Variants in GABRA2 observed in about 807,000 individuals in gnomAD.
GABRA2 encodes the protein gamma-aminobutyric acid receptor subunit alpha-2.
Under a neutral mutation model 48.7 loss-of-function variants are expected in GABRA2, and 16 were observed. That is an observed-to-expected ratio of 0.33 (90% CI 0.22 to 0.50). The LOEUF is 0.50. GABRA2 is among the 20% of genes least tolerant of loss of function. The pLI, the probability that GABRA2 is intolerant of heterozygous loss-of-function variation, is 0.98. For synonymous variants in GABRA2, 185 were observed against 184.5 expected (o/e 1.00, Z -0.02); for missense variants, 275 against 535.6 (o/e 0.51, Z 4.80).
chr4:46,305,542 C>CT, intron 7 of GABRA2, 26 bp downstream of exon 7: 1 of 1,604,620 alleles, frequency 6.2e-7, no homozygotes, highest in Non-Finnish European at 8.5e-7. Context: ...TAGGCACCAG[C>CT]TTTTTTAAAG....
intron 8 of GABRA2, among the ~76,000 whole-genome samples, chr4:46,297,631 A>G (rs1359971859): frequency 6.7e-6 from 1 of 149,480 alleles, no homozygotes. Flanking sequence ...TATTTTTTGA[A>G]TTTTCTCTCT....
intron 8 of GABRA2, among the ~76,000 whole-genome samples, chr4:46,295,778 T>A (rs1183938144): frequency 6.6e-6 from 1 of 152,196 alleles, no homozygotes; most frequent in African/African-American, 2.4e-5. Context: ...ACCTCTTCCA[T>A]CATGGAAAGG....
At position 46,282,726 on chromosome 4, in the gene GABRA2, C is replaced by T. The variant is rs533809971; in HGVS notation, c.857-20598G>A. Reference sequence around the variant, plus strand: ...ACTAAAGATCAGACCATCCTTTAAACGTGTTTTTGACATGAAGTAGAGAAT... The same window carrying T: ...ACTAAAGATCAGACCATCCTTTAAATGTGTTTTTGACATGAAGTAGAGAAT... On this transcript the variant is annotated intron_variant, in intron 8 of 9. Transcript: ENST00000381620. Among the ~76,000 whole-genome samples, 9 of 152,184 alleles carry T rather than the reference C, an allele frequency of 5.9e-5. No homozygotes were observed. The East Asian group carries it at 1.5e-3, about 26-fold the overall frequency.
intron 8 of GABRA2, among the ~76,000 whole-genome samples, chr4:46,298,975 T>TCATATATTATA (rs1379051605): frequency 6.6e-6 from 1 of 151,240 alleles, no homozygotes; most frequent in African/African-American, 2.4e-5. Context: ...TTTTAAAAGA[T>TCATATATTATA]CATATATTAT....
rs142608839 is a variant in GABRA2, at chr4:46,351,115, A to G, written c.188-18433T>C. On this transcript the variant is annotated intron_variant, in intron 3 of 9. Coordinates refer to ENST00000381620, the MANE Select transcript of GABRA2 (RefSeq NM_000807.4). ...TTATTACATGGTCTCATTGTTGGAGACTTAAAAAAAAAGGAAGACGGGGGG... is the reference window on the plus strand; with the variant it reads ...TTATTACATGGTCTCATTGTTGGAGGCTTAAAAAAAAAGGAAGACGGGGGG... Among the ~76,000 whole-genome samples the G allele has an allele frequency of 3.1e-3, 355 of 114,782 alleles. 4 individuals are homozygous for G. The highest frequency in any genetic ancestry group is 0.013 in the African/African-American group (348 of 26,282). 75.3% of individuals were successfully genotyped at this position (114,782 alleles called of 152,430 possible).
rs190066614 is a variant in GABRA2 at position 46,271,212 on chromosome 4, T to C, written c.857-9084A>G. Among the ~76,000 whole-genome samples, 54 of 152,108 alleles carry C rather than the reference T, an allele frequency of 3.6e-4. No homozygotes were observed. In the Middle Eastern group the frequency reaches 0.014, roughly 39 times the overall value. On this transcript the variant is annotated intron_variant, in intron 8 of 9. Coordinates refer to ENST00000381620, the MANE Select transcript of GABRA2 (RefSeq NM_000807.4). Reference sequence around the variant, plus strand: ...ATTGTTTGATACCACCTGCTGGTTATTGCTTGGAATGACAGAAACAAAAGA... The same window carrying C: ...ATTGTTTGATACCACCTGCTGGTTACTGCTTGGAATGACAGAAACAAAAGA...
At chr4:46,334,853 C>T (rs984105194) in intron 3 of GABRA2, among the ~76,000 whole-genome samples, 85 of 152,092 alleles carry the variant, frequency 5.6e-4, no homozygotes, top group Non-Finnish European at 7.4e-4. Context: ...TATTGTCCTG[C>T]TATGGAAGTT....
intron 3 of GABRA2, among the ~76,000 whole-genome samples, chr4:46,346,768 C>A (rs1250949171): frequency 6.6e-6 from 1 of 151,442 alleles, no homozygotes; most frequent in Non-Finnish European, 1.5e-5. Flanking sequence ...TTCTATTCAA[C>A]AGTACTGGAA....
chr4:46,322,697 A>G (rs1404638540), intron 4 of GABRA2, among the ~76,000 whole-genome samples: 1 of 152,028 alleles, frequency 6.6e-6, no homozygotes, highest in Non-Finnish European at 1.5e-5. Context: ...CATAGGAAAT[A>G]AACAATACTT....
intron 8 of GABRA2, among the ~76,000 whole-genome samples, chr4:46,269,398 C>T (rs1718858721): frequency 6.6e-6 from 1 of 151,562 alleles, no homozygotes. Context: ...TTTTAAAAGC[C>T]AGAGTGGCAA....
chr4:46,281,493 G>T lies in GABRA2; in HGVS notation c.857-19365C>A, dbSNP rs575071829. Among the ~76,000 whole-genome samples, 154 of 152,246 alleles carry T rather than the reference G, an allele frequency of 1.0e-3. 1 individual carries two copies. Among genetic ancestry groups the T allele is most frequent in the Non-Finnish European group, 1.7e-3 (118 of 68,010 alleles). On this transcript the variant is annotated intron_variant, in intron 8 of 9. Coordinates refer to ENST00000381620, the MANE Select transcript of GABRA2 (RefSeq NM_000807.4). ...GTTGGGGGTGAATCTAGGGAGTGTGGTTATCCTAGAAAGAGAATGAGGAAA... is the reference window on the plus strand; with the variant it reads ...GTTGGGGGTGAATCTAGGGAGTGTGTTTATCCTAGAAAGAGAATGAGGAAA...
intron 6 of GABRA2, among the ~76,000 whole-genome samples, chr4:46,306,365 A>C (rs1391744533): frequency 6.6e-6 from 1 of 152,180 alleles, no homozygotes; most frequent in Non-Finnish European, 1.5e-5. Context: ...AGGAAGAGGA[A>C]AAACTGCAAC....
At chr4:46,319,285 G>T (rs1729051423) in intron 4 of GABRA2, among the ~76,000 whole-genome samples, 1 of 150,844 alleles carries the variant, frequency 6.6e-6, no homozygotes, top group Admixed American at 6.6e-5. Context: ...CAACTAAATT[G>T]TAGGACTGTT....
At chr4:46,291,656 A>AC (rs1384851744) in intron 8 of GABRA2, among the ~76,000 whole-genome samples, 1 of 151,546 alleles carries the variant, frequency 6.6e-6, no homozygotes, top group Non-Finnish European at 1.5e-5. Context: ...CAAATTTCGC[A>AC]CCCCAAGTTC....
intron 3 of GABRA2, among the ~76,000 whole-genome samples, chr4:46,375,842 T>A (rs1291616983): frequency 1.3e-5 from 2 of 152,224 alleles, no homozygotes; most frequent in Non-Finnish European, 2.9e-5. Context: ...ATTTCCAGCA[T>A]TTAAAATAGT....
At chr4:46,269,756 A>G (rs1718934304) in intron 8 of GABRA2, among the ~76,000 whole-genome samples, 1 of 151,902 alleles carries the variant, frequency 6.6e-6, no homozygotes, top group South Asian at 2.1e-4. Flanking sequence ...GAAATACCAG[A>G]AATAAAATTA....
intron 8 of GABRA2, among the ~76,000 whole-genome samples, chr4:46,271,734 G>A (rs1423518562): frequency 6.6e-6 from 1 of 151,850 alleles, no homozygotes; most frequent in Non-Finnish European, 1.5e-5. Context: ...AATCAAAATT[G>A]TTCTATTTAC....
At chr4:46,311,362 C>T (rs1727613426) in intron 5 of GABRA2, among the ~76,000 whole-genome samples, 1 of 152,150 alleles carries the variant, frequency 6.6e-6, no homozygotes, top group South Asian at 2.1e-4. Flanking sequence ...CAAAATCTAA[C>T]ACTTATCTTA....
At chr4:46,273,512 TATATATATATATATATATATATATGA>T (rs1560460386) in intron 8 of GABRA2, among the ~76,000 whole-genome samples, 397 of 32,292 alleles carry the variant, frequency 0.012, 6 homozygotes, top group African/African-American at 0.042. Flanking sequence ...CATATATATA[TATATATATATATATATATATATATGA>T]GAGAGAGAGG....
Sources: gnomAD v4.1 joint callset for allele counts (sites outside exome capture counted in the v4.1 genomes callset) on GRCh38, gnomAD v4.1.1 for gene constraint, MANE v1.5 for transcripts, NCBI Gene and HGNC (gene_info 2026-07-23, HGNC 2026-07-21) for gene names.